DAB1: variants seen among roughly 807,000 people sequenced by gnomAD.
The protein encoded by DAB1 is disabled homolog 1.
In DAB1, 15 loss-of-function variants were observed where a neutral mutation model predicts 64.6. The ratio of observed to expected loss-of-function variants is 0.23; its 90% confidence interval spans 0.16 to 0.36. DAB1 has a LOEUF of 0.36. Ranked by LOEUF, DAB1 falls within the 10% of genes least tolerant of loss-of-function variation. The pLI is 1.00. For synonymous variants in DAB1, 235 were observed against 251.9 expected, an observed-to-expected ratio of 0.93 and a Z score of 0.64; for missense variants, 596 against 706.7, an observed-to-expected ratio of 0.84 and a Z score of 1.78.
chr1:57,836,646 C>T lies in DAB1; in HGVS notation n.88-10191G>A, dbSNP rs189671533. Among the ~76,000 whole-genome samples, 208 of 152,342 alleles carry T rather than the reference C, an allele frequency of 1.4e-3. 1 individual carries two copies. Among genetic ancestry groups the T allele is most frequent in the African/African-American group, 3.8e-3 (159 of 41,580 alleles). On this transcript the variant is annotated intron_variant and non_coding_transcript_variant, in intron 1 of 1. Transcript: ENST00000477280. ...GTATCTCCGCATCTCATTCGGCATC[C>T]GCCATCTCTTGATTATCACTGTGGG...
intron 3 of DAB1, among the ~76,000 whole-genome samples, chr1:58,402,093 T>A (rs904415451): frequency 6.6e-6 from 1 of 152,152 alleles, no homozygotes; most frequent in African/African-American, 2.4e-5. Context: ...TACTCTGGCA[T>A]CAGGCATGAG....
chr1:57,816,498 A>T (rs1357295313), intron 6 of DAB1, among the ~76,000 whole-genome samples: 1 of 152,224 alleles, frequency 6.6e-6, no homozygotes, highest in Non-Finnish European at 1.5e-5. Flanking sequence ...GTCCAGTCAA[A>T]CAGTCCCATC....
At chr1:57,489,438 A>G (rs1002598382) in intron 7 of DAB1, among the ~76,000 whole-genome samples, 39 of 152,262 alleles carry the variant, frequency 2.6e-4, no homozygotes, top group African/African-American at 9.1e-4. Flanking sequence ...GGGACTCGGG[A>G]TGGGAAACAG....
intron 3 of DAB1, among the ~76,000 whole-genome samples, chr1:58,503,755 A>T (rs1645944796): frequency 6.6e-6 from 1 of 152,152 alleles, no homozygotes; most frequent in African/African-American, 2.4e-5. Flanking sequence ...ATTGGATCTA[A>T]GATTTCACAG....
intron 2 of DAB1, among the ~76,000 whole-genome samples, chr1:57,176,336 C>T (rs541992009): frequency 3.9e-5 from 6 of 152,252 alleles, no homozygotes; most frequent in African/African-American, 1.4e-4. Flanking sequence ...AGGTGGAAGG[C>T]ACATCTCACA....
intron 3 of DAB1, among the ~76,000 whole-genome samples, chr1:58,411,119 A>T (rs1489315484): frequency 6.6e-6 from 1 of 152,162 alleles, no homozygotes; most frequent in Non-Finnish European, 1.5e-5. Flanking sequence ...TGGGGATCTC[A>T]TTACTCTTTT....
chr1:57,839,092 C>T (rs1369242252), intron 1 of DAB1, among the ~76,000 whole-genome samples: 1 of 152,146 alleles, frequency 6.6e-6, no homozygotes, highest in Non-Finnish European at 1.5e-5. Flanking sequence ...AATTCTTTCT[C>T]TTAAGCCCCA....
chr1:57,727,726 C>CTCCTTCCTTCCT (rs544033691), intron 6 of DAB1, among the ~76,000 whole-genome samples: 8,928 of 137,074 alleles, frequency 0.065, 440 homozygotes, highest in Admixed American at 0.082. Context: ...CCTTCCTTCT[C>CTCCTTCCTTCCT]TCCTTCCTTC....
At chr1:57,318,349 T>G (rs1386127045) in intron 1 of DAB1, among the ~76,000 whole-genome samples, 12 of 152,166 alleles carry the variant, frequency 7.9e-5, no homozygotes, top group Non-Finnish European at 1.0e-4. Context: ...AGAAAAGTAC[T>G]AAGTAAACAA....
chr1:58,236,187 G>A (rs1318960348), intron 4 of DAB1, among the ~76,000 whole-genome samples: 3 of 151,054 alleles, frequency 2.0e-5, no homozygotes, highest in African/African-American at 7.3e-5. Context: ...AAGGAGGGAG[G>A]GAACAACCTG....
chr1:57,422,115 T>G (rs917800465), intron 1 of DAB1, among the ~76,000 whole-genome samples: 3 of 152,202 alleles, frequency 2.0e-5, no homozygotes, highest in Non-Finnish European at 2.9e-5. Flanking sequence ...CAACGTGAAC[T>G]GGATAATTAG....
intron 3 of DAB1, among the ~76,000 whole-genome samples, chr1:58,410,896 G>A (rs551213920): frequency 4.6e-5 from 7 of 152,242 alleles, no homozygotes; most frequent in South Asian, 2.1e-4. Flanking sequence ...TTACTCCACC[G>A]TACATGACAC....
intron 3 of DAB1, among the ~76,000 whole-genome samples, chr1:58,366,252 G>A (rs990374045): frequency 4.7e-4 from 72 of 152,230 alleles, no homozygotes; most frequent in African/African-American, 1.6e-3. Flanking sequence ...GCTCAACTAC[G>A]GGATGGCTGA....
chr1:58,367,430 A>G (rs1167255898), intron 3 of DAB1, among the ~76,000 whole-genome samples: 1 of 152,114 alleles, frequency 6.6e-6, no homozygotes, highest in Non-Finnish European at 1.5e-5. Context: ...TAAACTCATA[A>G]ATCATGTATC....
At chr1:57,695,368 GA>G (rs1172233059) in intron 6 of DAB1, among the ~76,000 whole-genome samples, 599 of 47,754 alleles carry the variant, frequency 0.013, 11 homozygotes, top group African/African-American at 0.031. Flanking sequence ...AAAGAAGAAA[GA>G]AAGAAAGAAA....
At chr1:58,100,743 G>A (rs1171788317) in intron 5 of DAB1, among the ~76,000 whole-genome samples, 1 of 152,168 alleles carries the variant, frequency 6.6e-6, no homozygotes, top group African/African-American at 2.4e-5. Context: ...GTAAGCCCCA[G>A]TGGAGACGGA....
At chr1:58,060,309 T>C (rs1000323907) in intron 5 of DAB1, 20 of 152,158 alleles carry the variant, frequency 1.3e-4, no homozygotes, top group African/African-American at 4.6e-4. Flanking sequence ...CTCTCTAAGG[T>C]AAGGAGGAGG....
intron 5 of DAB1, among the ~76,000 whole-genome samples, chr1:57,973,968 C>T (rs1557588677): frequency 6.6e-6 from 1 of 152,146 alleles, no homozygotes; most frequent in African/African-American, 2.4e-5. Flanking sequence ...AATCCAAACT[C>T]CTTACCATTT....
intron 6 of DAB1, among the ~76,000 whole-genome samples, chr1:57,698,250 T>G (rs952485167): frequency 2.0e-5 from 3 of 146,778 alleles, no homozygotes; most frequent in African/African-American, 7.7e-5. Context: ...CCATGCCCTC[T>G]AACTTTTAAA....
Sources: gnomAD v4.1 joint callset for allele counts (sites outside exome capture counted in the v4.1 genomes callset) on GRCh38, gnomAD v4.1.1 for gene constraint, MANE v1.5 for transcripts, NCBI Gene and HGNC (gene_info 2026-07-23, HGNC 2026-07-21) for gene names.